EIF2AK4: variants seen among roughly 807,000 people sequenced by gnomAD.
EIF2AK4 encodes the protein eukaryotic translation initiation factor 2 alpha kinase 4.
A neutral mutation model predicts 211.1 loss-of-function variants in EIF2AK4; 139 were observed. The observed-to-expected ratio is 0.66, with a 90% CI of 0.57 to 0.76. The LOEUF (loss-of-function observed/expected upper bound fraction) is 0.76, where lower values mean the gene tolerates loss of function less well. EIF2AK4 is among the 30% of genes least tolerant of loss of function. The probability of loss-of-function intolerance (pLI) is 0.00; values close to 1 mark genes in which losing one functional copy is unlikely to be tolerated. For synonymous variants in EIF2AK4, 710 were observed against 751.3 expected (o/e 0.94, Z 0.90); for missense variants, 1,664 against 2,043.8 (o/e 0.81, Z 3.58).
intron 37 of EIF2AK4, among the ~76,000 whole-genome samples, chr15:40,033,043 CA>C (rs1049391995): frequency 5.3e-5 from 8 of 152,036 alleles, no homozygotes; most frequent in African/African-American, 1.7e-4. Flanking sequence ...AAAACAAAAA[CA>C]AAAAAACACA....
chr15:40,026,189 T>A, intron 33 of EIF2AK4, 100 bp downstream of exon 33: 1 of 1,076,372 alleles, frequency 9.3e-7, no homozygotes, highest in Non-Finnish European at 1.4e-6. Flanking sequence ...GTGCTGTGGC[T>A]CACACCTGTA....
chr15:39,998,168 A>G (rs1025653616), intron 19 of EIF2AK4, among the ~76,000 whole-genome samples: 1 of 151,402 alleles, frequency 6.6e-6, no homozygotes, highest in Non-Finnish European at 1.5e-5. Flanking sequence ...TTAGTCTAAA[A>G]TTCATGTTTA....
intron 20 of EIF2AK4, among the ~76,000 whole-genome samples, chr15:39,999,083 T>C (rs2140933015): frequency 6.6e-6 from 1 of 152,298 alleles, no homozygotes; most frequent in Non-Finnish European, 1.5e-5. Context: ...AAGAATCCTT[T>C]TACAACTCAT....
At chr15:39,957,664 C>T (rs1157290045) in intron 6 of EIF2AK4, among the ~76,000 whole-genome samples, 1 of 152,174 alleles carries the variant, frequency 6.6e-6, no homozygotes, top group Non-Finnish European at 1.5e-5. Flanking sequence ...AAGCCCTCAT[C>T]TGTGTTTTCC....
At chr15:39,992,356 A>G in intron 17 of EIF2AK4, 127 bp downstream of exon 17, 1 of 666,288 alleles carries the variant, frequency 1.5e-6, no homozygotes, top group Non-Finnish European at 2.4e-6. Flanking sequence ...TAAGTTAACA[A>G]AATTATGGAA....
At chr15:40,008,216 A>G (rs1213940673) in intron 25 of EIF2AK4, 21 bp downstream of exon 25, 2 of 1,568,900 alleles carry the variant, frequency 1.3e-6, no homozygotes, top group South Asian at 2.4e-5. Flanking sequence ...ATATTTTAAC[A>G]TTCCAAGATT....
chr15:40,022,889 A>G (rs1011121672), intron 32 of EIF2AK4, among the ~76,000 whole-genome samples: 5 of 152,258 alleles, frequency 3.3e-5, no homozygotes, highest in Middle Eastern at 3.4e-3. Context: ...GCCCGCCACC[A>G]CGCTCGGCTA....
chr15:39,939,854 A>G (rs2034120414), intron 2 of EIF2AK4, among the ~76,000 whole-genome samples: 1 of 152,168 alleles, frequency 6.6e-6, no homozygotes, highest in Non-Finnish European at 1.5e-5. Flanking sequence ...CCTAGTGACT[A>G]TTTTGCTTCC....
At chr15:39,960,514 C>T (rs1415321877) in intron 6 of EIF2AK4, among the ~76,000 whole-genome samples, 4 of 151,910 alleles carry the variant, frequency 2.6e-5, no homozygotes, top group African/African-American at 7.3e-5. Context: ...AGGTTTAGAG[C>T]GAGTGGAGGG....
At position 39,954,636 on chromosome 15, in the gene EIF2AK4, C is replaced by T. The variant is rs138102235; in HGVS notation, c.594+652C>T. Among the ~76,000 whole-genome samples the T allele has an allele frequency of 6.6e-4, 100 of 152,316 alleles. 1 individual carries two copies. The highest frequency in any genetic ancestry group is 2.4e-3 in the African/African-American group (99 of 41,572). ...AACCATATGGATCTGCCTGAAATTT[C>T]ATCCAGTGATGAAAAAGAGTAATTC... On this transcript the variant is annotated intron_variant, in intron 5 of 38. Coordinates refer to ENST00000263791, the MANE Select transcript of EIF2AK4 (RefSeq NM_001013703.4).
At position 40,016,251 on chromosome 15, in the gene EIF2AK4, A is replaced by T. The variant is rs572980108; in HGVS notation, c.3760-251A>T. On this transcript the variant is annotated intron_variant, in intron 27 of 38. Transcript: ENST00000263791. ...GTCTGCTTTGCTGGGGTCAGCATTA[A>T]GTGTGAGTAAATGTATCTGAATAAA... 4.6e-5 allele frequency among the ~76,000 whole-genome samples: 7 copies of T among 152,380 alleles called. 1 individual carries two copies. The East Asian group carries it at 9.6e-4, about 21-fold the overall frequency.
chr15:39,948,996 G>C (rs2034267337), intron 3 of EIF2AK4, 120 bp from the exon 4 acceptor site: 1 of 1,190,500 alleles, frequency 8.4e-7, no homozygotes, highest in African/African-American at 1.5e-5. Context: ...ATATCAAAAT[G>C]AATAATGGCA....
chr15:40,023,817 T>A (rs2035426040), intron 32 of EIF2AK4, among the ~76,000 whole-genome samples: 1 of 152,236 alleles, frequency 6.6e-6, no homozygotes, highest in South Asian at 2.1e-4. Flanking sequence ...TCCTTCTGCT[T>A]ATTTTGGATT....
intron 4 of EIF2AK4, 72 bp downstream of exon 4, chr15:39,949,340 G>T (rs2034275304): frequency 6.4e-7 from 1 of 1,566,910 alleles, no homozygotes; most frequent in South Asian, 1.1e-5. Context: ...GGTTTTATCT[G>T]TCTCTGCCTA....
chr15:39,977,581 C>G (rs2034718191), intron 12 of EIF2AK4: 2 of 152,190 alleles, frequency 1.3e-5, no homozygotes, highest in African/African-American at 4.8e-5. Flanking sequence ...AAAATCCAAG[C>G]CATGGAAAAA....
At chr15:39,981,637 A>G (rs957601891) in intron 13 of EIF2AK4, among the ~76,000 whole-genome samples, 3 of 152,062 alleles carry the variant, frequency 2.0e-5, no homozygotes, top group Admixed American at 6.5e-5. Flanking sequence ...TAAAGGAAAA[A>G]GTTCAAAAAA....
At chr15:40,022,712 C>G in intron 32 of EIF2AK4, 107 bp downstream of exon 32, 1 of 882,848 alleles carries the variant, frequency 1.1e-6, no homozygotes, top group Non-Finnish European at 1.8e-6. Context: ...AATCCGTTCC[C>G]TCTACTCTCC....
chr15:39,955,797 G>A (rs1020285800), intron 6 of EIF2AK4, 29 bp downstream of exon 6: 8 of 1,560,742 alleles, frequency 5.1e-6, no homozygotes, highest in Non-Finnish European at 6.9e-6. Flanking sequence ...TGATCTGGGA[G>A]AATGACAGAT....
chr15:39,949,529 C>T (rs1166722166), intron 4 of EIF2AK4, among the ~76,000 whole-genome samples: 3 of 152,124 alleles, frequency 2.0e-5, no homozygotes, highest in Non-Finnish European at 4.4e-5. Flanking sequence ...CACCTGTGGT[C>T]TTTTGGAGCT....
Sources: allele counts gnomAD v4.1 joint callset (sites outside exome capture counted in the v4.1 genomes callset), GRCh38; gene constraint gnomAD v4.1.1; transcripts MANE v1.5; gene names NCBI Gene and HGNC (gene_info 2026-07-23, HGNC 2026-07-21).